DNHD1: variants seen among roughly 807,000 people sequenced by gnomAD.
The protein encoded by DNHD1 is dynein heavy chain domain 1.
A neutral mutation model predicts 458.1 loss-of-function variants in DNHD1; 383 were observed. That is an observed-to-expected ratio of 0.84 (90% CI 0.77 to 0.91). The LOEUF is 0.91. DNHD1 is among the 40% of genes least tolerant of loss of function. DNHD1 has a pLI of 0.00. For synonymous variants in DNHD1, 2,203 were observed against 2,376.9 expected (o/e 0.93, Z 2.13); for missense variants, 5,336 against 5,866.1 (o/e 0.91, Z 2.95).
Position 6,570,731 on chromosome 11 carries a change from C to A in DNHD1, c.13219C>A (p.Arg4407=). 1.2e-6 allele frequency: 2 copies of A among 1,610,650 alleles called. No individual in the cohort carries two copies. Among genetic ancestry groups the A allele is most frequent in the South Asian group, 2.2e-5 (2 of 90,450 alleles). The change falls in exon 42 of 43, where the codon CGA becomes AGA. Residue 4407 remains arginine (R), a synonymous_variant. Coordinates refer to ENST00000254579, the MANE Select transcript of DNHD1 (RefSeq NM_144666.3). ...LSEGPQAWLL[R]RQSRALLSAL... ...TGAGGGCCCCCAAGCCTGGCTGTTGCGACGCCAGAGTCGCGCTCTCTTGAG... is the reference window on the plus strand; with the variant it reads ...TGAGGGCCCCCAAGCCTGGCTGTTGAGACGCCAGAGTCGCGCTCTCTTGAG...
chr11:6,520,315 G>C (rs1381213070), intron 10 of DNHD1, 26 bp downstream of exon 10: 1 of 1,551,416 alleles, frequency 6.4e-7, no homozygotes, highest in African/African-American at 1.4e-5. Context: ...TAGGCAGGGG[G>C]TAGGAAGGCT....
chr11:6,529,457 C>T (rs1019709152), intron 12 of DNHD1, among the ~76,000 whole-genome samples: 5 of 152,138 alleles, frequency 3.3e-5, no homozygotes, highest in East Asian at 1.9e-4. Context: ...ATTTATACTA[C>T]GATTTGCATA....
At chr11:6,501,703 G>C (rs963916889) in intron 3 of DNHD1, among the ~76,000 whole-genome samples, 6 of 152,128 alleles carry the variant, frequency 3.9e-5, no homozygotes, top group Non-Finnish European at 7.3e-5. Flanking sequence ...CTGAGGACTT[G>C]TGTGAAGACA....
chr11:6,568,312 C>T, intron 37 of DNHD1, 70 bp downstream of exon 37: 1 of 1,532,200 alleles, frequency 6.5e-7, no homozygotes, highest in Non-Finnish European at 8.8e-7. Context: ...AAATCTCAGG[C>T]CTCATGGCCA....
At position 6,538,406 on chromosome 11, in the gene DNHD1, C is replaced by A; in HGVS notation, c.3022C>A (p.Pro1008Thr). Residue 1008 changes from proline (P) to threonine (T), a missense_variant, in exon 15 of 43, where the codon CCA becomes ACA. Coordinates refer to ENST00000254579, the MANE Select transcript of DNHD1 (RefSeq NM_144666.3). ...FTEDETPVPLPICGTRPIVQQ... is the reference protein window; with the variant it reads ...FTEDETPVPLTICGTRPIVQQ... ...AGAGGATGAGACTCCTGTGCCCTTG[C>A]CAATCTGTGGGACACGTCCTATTGT... 1 of 1,551,744 alleles carries A rather than the reference C, an allele frequency of 6.4e-7. No homozygotes were observed. Among genetic ancestry groups the A allele is most frequent in the Non-Finnish European group, 8.7e-7 (1 of 1,147,002 alleles).
chr11:6,526,841 C>T (rs1336404318), intron 10 of DNHD1, among the ~76,000 whole-genome samples: 1 of 152,188 alleles, frequency 6.6e-6, no homozygotes, highest in East Asian at 1.9e-4. Flanking sequence ...GGTAAGACCC[C>T]CTTCCAGTTT....
rs1318964787 is a variant in DNHD1, at chr11:6,498,798, C to T, written c.583C>T (p.Arg195Cys). 5.6e-6 allele frequency: 9 copies of T among 1,614,096 alleles called. No homozygotes were observed. The highest frequency in any genetic ancestry group is 3.3e-5 in the Admixed American group (2 of 60,008). ...ACCATTGACACTGCCTGAGCTACAG[C>T]GCTGCCTGGGCATTGTTGGTGCTCA... The part of the protein sequence containing the change: ...LRPLTLPELQ[R>C]CLGIVGAQVA... The change falls in exon 3 of 43, where the codon CGC becomes TGC. Residue 195 changes from arginine (R) to cysteine (C), a missense_variant. This residue lies in a region of DNHD1 where 3,932 missense variants were observed against 4,365.6 expected (regional missense o/e 0.90). Transcript: ENST00000254579.
chr11:6,526,588 T>C lies in DNHD1; in HGVS notation c.1838-1934T>C, dbSNP rs541533122. ...AGTTCTCTAACCTCTAAGTTTCACT[T>C]TCTATTGTTTTTCTGTATTAAAAAA... On this transcript the variant is annotated intron_variant, in intron 10 of 42. Transcript: ENST00000254579. 1.3e-4 allele frequency among the ~76,000 whole-genome samples: 17 copies of C among 128,542 alleles called. No individual in the cohort carries two copies. The South Asian group carries it at 4.6e-3, about 35-fold the overall frequency. The allele number at this position is 128,542 out of a possible 152,430, so 84.3% of individuals were successfully genotyped here.
At chr11:6,512,004 G>C (rs1852342918) in intron 7 of DNHD1, among the ~76,000 whole-genome samples, 1 of 152,092 alleles carries the variant, frequency 6.6e-6, no homozygotes, top group Non-Finnish European at 1.5e-5. Context: ...ACCATGTGTA[G>C]ATAGTCCGGT....
In DNHD1 at chr11:6,545,120, T is replaced by C. The variant is rs1157909294; in HGVS notation, c.4181T>C (p.Val1394Ala). 2.6e-6 allele frequency: 4 copies of C among 1,552,168 alleles called. No homozygotes were observed. The highest frequency in any genetic ancestry group is 3.5e-6 in the Non-Finnish European group (4 of 1,147,080). The change falls in exon 21 of 43, where the codon GTG (valine) becomes GCG (alanine). Residue 1394 changes from valine (V) to alanine (A), a missense_variant. Coordinates refer to ENST00000254579, the MANE Select transcript of DNHD1 (RefSeq NM_144666.3). This position sits in a 1 kb window ranked among gnomAD's most constrained non-coding sequence, Gnocchi z 4.9. ...CGCTGCTTTCCTCATGTGCATGCTG[T>C]GAGCTTCAGGTCTTGCCCAACTGGT... is the stretch of plus-strand genomic sequence containing the variant. Reference protein sequence around the residue: ...VRRCFPHVHAVSFRSCPTGEK... With the variant: ...VRRCFPHVHAASFRSCPTGEK...
chr11:6,563,234 C>G (rs577296375), intron 29 of DNHD1, 103 bp downstream of exon 29: 3 of 1,532,878 alleles, frequency 2.0e-6, no homozygotes, highest in Non-Finnish European at 2.7e-6. Flanking sequence ...ATCATGGAAT[C>G]TCCTGGGGGG....
Position 6,564,089 on chromosome 11 carries a change from C to T in DNHD1, c.10249C>T (p.Leu3417Phe). 1.3e-6 allele frequency: 2 copies of T among 1,551,576 alleles called. No individual in the cohort carries two copies. Among genetic ancestry groups the T allele is most frequent in the Non-Finnish European group, 1.7e-6 (2 of 1,146,988 alleles). ...YHKWPMKAALLTPMRAWTTQL... is the reference protein window; with the variant it reads ...YHKWPMKAALFTPMRAWTTQL... The stretch of plus-strand genomic sequence containing the variant: ...CAAATGGCCCATGAAGGCTGCACTG[C>T]TCACGCCTATGCGTGCCTGGACTAC... Residue 3417 changes from leucine to phenylalanine, a missense_variant, in exon 31 of 43, where the codon CTC becomes TTC. Coordinates refer to ENST00000254579, the MANE Select transcript of DNHD1 (RefSeq NM_144666.3).
chr11:6,544,364 T>C, intron 19 of DNHD1, 118 bp downstream of exon 19: 5 of 1,237,400 alleles, frequency 4.0e-6, no homozygotes, highest in Non-Finnish European at 5.6e-6. Context: ...AGTGAGGACC[T>C]CCTTCAGGGC....
rs1455460333 is a variant in DNHD1, at chr11:6,534,069, A to G, written c.2894A>G (p.Gln965Arg). 3 of 1,551,478 alleles carry G rather than the reference A, an allele frequency of 1.9e-6. No individual in the cohort carries two copies. The highest frequency in any genetic ancestry group is 1.7e-6 in the Non-Finnish European group (2 of 1,146,950). Reference sequence around the variant, plus strand: ...TCCGGTCCCTTTATGGACCCCACACAAGATCAGAGGAGTACTGAGCACCAG... The same window carrying G: ...TCCGGTCCCTTTATGGACCCCACACGAGATCAGAGGAGTACTGAGCACCAG... ...ALSGPFMDPT[Q>R]DQRSTEHQLV... Residue 965 changes from glutamine to arginine, a missense_variant, in exon 14 of 43, where the codon CAA (glutamine) becomes CGA (arginine). Transcript: ENST00000254579.
In DNHD1 at chr11:6,564,711, C is replaced by T. The variant is rs1166903874; in HGVS notation, c.10663C>T (p.Leu3555=). ...THYSSCRWPL[L]LDPSNEALIW... is the part of the protein sequence containing the mutation. The stretch of plus-strand genomic sequence containing the variant: ...CTACAGTAGTTGCCGTTGGCCTCTG[C>T]TGCTTGACCCCAGCAACGAGGCCCT... Residue 3555 remains leucine (L), a synonymous_variant, in exon 32 of 43, where the codon CTG becomes TTG. Transcript: ENST00000254579. The T allele has an allele frequency of 4.5e-6, 7 of 1,550,612 alleles. No homozygotes were observed. In the African/African-American group the frequency reaches 9.6e-5, roughly 21 times the overall value.
rs975126415 is a variant in DNHD1, at chr11:6,552,658, G to A, written c.7387+3725G>A. ...ATCTTACATAGCAGTTGGCGGGGGC[G>A]GGGTGGGGTGAAGAGATGTACCATC... On this transcript the variant is annotated intron_variant, in intron 24 of 42. Transcript: ENST00000254579. 1.1e-4 allele frequency among the ~76,000 whole-genome samples: 16 copies of A among 151,970 alleles called. No individual in the cohort carries two copies. In the South Asian group the frequency reaches 1.2e-3, roughly 12 times the overall value.
In DNHD1 at chr11:6,528,792, G is replaced by T; in HGVS notation, c.2103+5G>T. 1 of 1,551,356 alleles carries T rather than the reference G, an allele frequency of 6.4e-7. No individual in the cohort carries two copies. Among genetic ancestry groups the T allele is most frequent in the South Asian group, 1.2e-5 (1 of 84,026 alleles). ...ATACAACAGGTGCTGCTGGAGGTGA[G>T]AACAGTGGTTTAAGGGATAGGGCGC... On this transcript the variant is annotated splice_donor_5th_base_variant and intron_variant, in intron 11 of 42. Transcript: ENST00000254579.
chr11:6,503,061 T>A, intron 4 of DNHD1, 135 bp downstream of exon 4: 1 of 944,246 alleles, frequency 1.1e-6, no homozygotes, highest in South Asian at 1.9e-5. Flanking sequence ...GACTCTAGTG[T>A]CCCTCTCTCT....
intron 18 of DNHD1, among the ~76,000 whole-genome samples, chr11:6,542,970 G>A (rs373783571): frequency 6.6e-6 from 1 of 152,208 alleles, no homozygotes; most frequent in African/African-American, 2.4e-5. Context: ...GATATGCAGA[G>A]AAAAGCTGAA....
Sources: allele counts gnomAD v4.1 joint callset (sites outside exome capture counted in the v4.1 genomes callset), GRCh38; gene constraint gnomAD v4.1.1; regional missense constraint gnomAD v4.1.1; non-coding constraint Gnocchi (gnomAD v3.1); transcripts MANE v1.5; gene names NCBI Gene and HGNC (gene_info 2026-07-23, HGNC 2026-07-21).